Variants in BMP5 observed in about 807,000 individuals in gnomAD.
BMP5 encodes the protein bone morphogenetic protein 5.
A neutral mutation model predicts 46.6 loss-of-function variants in BMP5; 23 were observed. The observed-to-expected ratio is 0.49, with a 90% CI of 0.35 to 0.70. The LOEUF (loss-of-function observed/expected upper bound fraction) is 0.70. Among genes scored for constraint, BMP5 ranks in the 30% least tolerant of loss-of-function variants. The pLI is 0.00. For missense variants in BMP5, 545 were observed against 565.6 expected, an observed-to-expected ratio of 0.96 and a Z score of 0.37; for synonymous variants, 204 against 191.9, an observed-to-expected ratio of 1.06 and a Z score of -0.52.
At chr6:55,805,842 T>G (rs1444443899) in intron 2 of BMP5, among the ~76,000 whole-genome samples, 1 of 152,246 alleles carries the variant, frequency 6.6e-6, no homozygotes, top group Non-Finnish European at 1.5e-5. Flanking sequence ...TTTTTTCATA[T>G]GTTTGTTGGC....
intron 1 of BMP5, among the ~76,000 whole-genome samples, chr6:55,822,834 AT>A (rs1776441427): frequency 6.6e-6 from 1 of 152,154 alleles, no homozygotes; most frequent in Non-Finnish European, 1.5e-5. Flanking sequence ...AAGGGGACTC[AT>A]TTTCAAAGAG....
chr6:55,822,539 TAAC>T (rs1278740929), intron 1 of BMP5, among the ~76,000 whole-genome samples: 5 of 152,284 alleles, frequency 3.3e-5, no homozygotes, highest in African/African-American at 1.2e-4. Flanking sequence ...TTCTAAGTGA[TAAC>T]AACCATTATT....
In BMP5 at chr6:55,755,476, TA is replaced by T; in HGVS notation, c.*56del. 6.6e-7 allele frequency: 1 copy of T among 1,524,886 alleles called. No homozygotes were observed. Among genetic ancestry groups the T allele is most frequent in the South Asian group, 1.2e-5 (1 of 85,118 alleles). 94.5% of individuals were successfully genotyped at this position (1,524,886 alleles called of 1,614,324 possible). ...CCCGTTTGTCTGAAAGTATGCTTTT[TA>T]TTGCAGCCATAAACCTTAATACAGA... On this transcript the variant is annotated 3_prime_UTR_variant, in exon 7 of 7. Transcript: ENST00000370830.
chr6:55,872,992 A>C (rs1777820467), intron 1 of BMP5, among the ~76,000 whole-genome samples: 2 of 151,902 alleles, frequency 1.3e-5, no homozygotes, highest in African/African-American at 4.8e-5. Context: ...AATTATACGT[A>C]GAAGAAAAGG....
intron 3 of BMP5, among the ~76,000 whole-genome samples, chr6:55,788,098 C>T (rs974918309): frequency 1.1e-4 from 17 of 151,550 alleles, no homozygotes; most frequent in Non-Finnish European, 2.5e-4. Flanking sequence ...TACTGTTTAA[C>T]GCTTACTAAT....
chr6:55,794,085 C>T (rs1775646077), intron 3 of BMP5, among the ~76,000 whole-genome samples, 194 bp downstream of exon 3: 1 of 152,066 alleles, frequency 6.6e-6, no homozygotes, highest in Non-Finnish European at 1.5e-5. Context: ...CACCCCAGAG[C>T]CTGACAATAA....
At chr6:55,759,183 A>AAAAAAAAAAAAAAAAAC in intron 5 of BMP5, 68 bp from the exon 6 acceptor site, 1 of 703,056 alleles carries the variant, frequency 1.4e-6, no homozygotes, top group Non-Finnish European at 2.1e-6. Context: ...AAAAAAAAAA[A>AAAAAAAAAAAAAAAAAC]CAACAAGAAA....
chr6:55,788,513 A>C (rs1219110274), intron 3 of BMP5, among the ~76,000 whole-genome samples: 1 of 151,852 alleles, frequency 6.6e-6, no homozygotes, highest in Non-Finnish European at 1.5e-5. Flanking sequence ...TATTTAAATC[A>C]TCTGCAAAAC....
intron 2 of BMP5, among the ~76,000 whole-genome samples, chr6:55,813,725 T>A (rs1776190025): frequency 6.6e-6 from 1 of 150,490 alleles, no homozygotes; most frequent in Admixed American, 6.6e-5. Flanking sequence ...AGACGGAGCT[T>A]GCAGTGAGCA....
At chr6:55,787,631 A>G (rs1156789441) in intron 3 of BMP5, among the ~76,000 whole-genome samples, 1 of 151,690 alleles carries the variant, frequency 6.6e-6, no homozygotes, top group Non-Finnish European at 1.5e-5. Context: ...TTCTTTGTTA[A>G]CATAGCTGTA....
chr6:55,790,311 C>T (rs1303416786), intron 3 of BMP5, among the ~76,000 whole-genome samples: 4 of 152,126 alleles, frequency 2.6e-5, no homozygotes. Context: ...AATTACCATT[C>T]AAGACATTTT....
intron 3 of BMP5, among the ~76,000 whole-genome samples, chr6:55,786,508 G>A (rs531740263): frequency 1.3e-5 from 2 of 151,172 alleles, no homozygotes; most frequent in South Asian, 2.1e-4. Flanking sequence ...CCCTCAGTTT[G>A]CCTTTTATGC....
chr6:55,853,810 G>C (rs937071662), intron 1 of BMP5, among the ~76,000 whole-genome samples: 7 of 152,138 alleles, frequency 4.6e-5, no homozygotes, highest in African/African-American at 1.7e-4. Context: ...CTGAAGTACG[G>C]TTATATTTTT....
At chr6:55,771,325 C>T (rs1775041785) in intron 4 of BMP5, among the ~76,000 whole-genome samples, 1 of 151,804 alleles carries the variant, frequency 6.6e-6, no homozygotes, top group Admixed American at 6.6e-5. Context: ...TCCTCTCATA[C>T]ACAAATTCAA....
At chr6:55,847,643 A>T (rs912664687) in intron 1 of BMP5, among the ~76,000 whole-genome samples, 12 of 151,876 alleles carry the variant, frequency 7.9e-5, no homozygotes, top group Non-Finnish European at 1.0e-4. Context: ...AAATGCAATA[A>T]TTTTTTTTAC....
At chr6:55,767,635 A>G (rs1189941432) in intron 4 of BMP5, among the ~76,000 whole-genome samples, 1 of 151,998 alleles carries the variant, frequency 6.6e-6, no homozygotes, top group Non-Finnish European at 1.5e-5. Flanking sequence ...TACTTGTTTC[A>G]GGAGGGGTTT....
intron 5 of BMP5, among the ~76,000 whole-genome samples, chr6:55,760,205 T>C (rs998904871): frequency 2.0e-5 from 3 of 152,044 alleles, no homozygotes; most frequent in African/African-American, 4.8e-5. Context: ...CTCTTTTTTT[T>C]CTTCCTAAAT....
At chr6:55,861,322 G>A (rs1331780169) in intron 1 of BMP5, among the ~76,000 whole-genome samples, 5 of 152,172 alleles carry the variant, frequency 3.3e-5, no homozygotes, top group Non-Finnish European at 5.9e-5. Context: ...CTTCTAGACC[G>A]GCCAGCAGGT....
chr6:55,756,866 T>C (rs1774618466), intron 6 of BMP5, among the ~76,000 whole-genome samples: 1 of 151,880 alleles, frequency 6.6e-6, no homozygotes, highest in Non-Finnish European at 1.5e-5. Context: ...CTTGGCAGCC[T>C]AACGGAAAAA....
Sources: allele counts gnomAD v4.1 joint callset (sites outside exome capture counted in the v4.1 genomes callset), GRCh38; gene constraint gnomAD v4.1.1; transcripts MANE v1.5; gene names NCBI Gene and HGNC (gene_info 2026-07-23, HGNC 2026-07-21).